Variants in CADM2 observed in about 807,000 individuals in gnomAD.
CADM2 encodes the protein cell adhesion molecule 2, also known as immunoglobulin superfamily member 4D.
CADM2 carries 12 observed loss-of-function variants against 49.8 expected under a neutral mutation model. That is an observed-to-expected ratio of 0.24 (90% CI 0.15 to 0.39). CADM2 has a LOEUF of 0.39. Among genes scored for constraint, CADM2 ranks in the 10% least tolerant of loss-of-function variants. CADM2 has a pLI of 1.00. For missense variants in CADM2, 378 were observed against 492.3 expected, an observed-to-expected ratio of 0.77 and a Z score of 2.20; for synonymous variants, 214 against 175.4, an observed-to-expected ratio of 1.22 and a Z score of -1.74.
intron 1 of CADM2, among the ~76,000 whole-genome samples, chr3:85,532,267 T>G (rs771480746): frequency 6.6e-5 from 10 of 152,212 alleles, no homozygotes; most frequent in Non-Finnish European, 1.5e-4. Context: ...GTATTCTCCC[T>G]CCTCAAACTG....
chr3:85,370,821 C>A (rs2033173867), intron 1 of CADM2, among the ~76,000 whole-genome samples: 1 of 152,038 alleles, frequency 6.6e-6, no homozygotes, highest in Non-Finnish European at 1.5e-5. Flanking sequence ...CCCCTGAAGA[C>A]TTTCCACTGG....
chr3:85,444,329 T>C (rs1001888540), intron 1 of CADM2, among the ~76,000 whole-genome samples: 3 of 151,986 alleles, frequency 2.0e-5, no homozygotes, highest in African/African-American at 7.3e-5. Flanking sequence ...TCCACTTCTA[T>C]CAAATGAAAA....
chr3:85,307,228 TA>T (rs2107024654), intron 1 of CADM2, among the ~76,000 whole-genome samples: 1 of 151,778 alleles, frequency 6.6e-6, no homozygotes, highest in East Asian at 1.9e-4. Flanking sequence ...ATTTTTGCCT[TA>T]TTATCTAAAA....
intron 2 of CADM2, among the ~76,000 whole-genome samples, chr3:85,749,547 G>A (rs767071381): frequency 6.6e-6 from 1 of 151,756 alleles, no homozygotes; most frequent in South Asian, 2.1e-4. Context: ...TACAACCCGG[G>A]ATATATCTGT....
At chr3:85,654,446 A>G (rs1168623315) in intron 1 of CADM2, among the ~76,000 whole-genome samples, 3 of 152,194 alleles carry the variant, frequency 2.0e-5, no homozygotes, top group African/African-American at 7.2e-5. Context: ...ATACATGGGC[A>G]GAAAGTTCAG....
In CADM2 at chr3:85,162,564, AT is replaced by A. The variant is rs1218127804; in HGVS notation, c.61+202898del. ...GGAAGTCAGCTGAAAGATGTCTACCATTAAAAAAAATAATATATGGTTGAGG... is the reference window on the plus strand; with the variant it reads ...GGAAGTCAGCTGAAAGATGTCTACCATAAAAAAAATAATATATGGTTGAGG... On this transcript the variant is annotated intron_variant, in intron 1 of 9. Transcript: ENST00000383699. Among the ~76,000 whole-genome samples the A allele has an allele frequency of 2.6e-5, 4 of 152,266 alleles. No individual in the cohort carries two copies. The East Asian group carries it at 7.7e-4, about 29-fold the overall frequency.
intron 1 of CADM2, among the ~76,000 whole-genome samples, chr3:85,203,505 T>G (rs569686719): frequency 1.2e-4 from 18 of 152,240 alleles, no homozygotes; most frequent in Middle Eastern, 3.4e-3. Flanking sequence ...CTAAAAAAGT[T>G]ACAATAATAA....
intron 1 of CADM2, among the ~76,000 whole-genome samples, chr3:85,505,392 G>C (rs1210810681): frequency 1.3e-5 from 2 of 152,192 alleles, no homozygotes. Flanking sequence ...GAAAATCTAG[G>C]AGGGGAATCA....
At chr3:85,387,973 A>G (rs2034325223) in intron 1 of CADM2, among the ~76,000 whole-genome samples, 1 of 152,210 alleles carries the variant, frequency 6.6e-6, no homozygotes, top group Admixed American at 6.5e-5. Context: ...GCATAAAAGA[A>G]GCTGCTCTCA....
At chr3:85,325,305 A>G (rs1159770330) in intron 1 of CADM2, among the ~76,000 whole-genome samples, 1 of 152,238 alleles carries the variant, frequency 6.6e-6, no homozygotes, top group East Asian at 1.9e-4. Flanking sequence ...TGTAATACAT[A>G]TTCAGTGGAA....
chr3:85,796,648 G>T (rs1320380686), intron 2 of CADM2, among the ~76,000 whole-genome samples: 1 of 152,168 alleles, frequency 6.6e-6, no homozygotes, highest in Non-Finnish European at 1.5e-5. Context: ...TCATTTAGGT[G>T]TGGAAAGAAA....
intron 3 of CADM2, among the ~76,000 whole-genome samples, chr3:85,826,113 A>T (rs1394419321): frequency 6.6e-6 from 1 of 152,072 alleles, no homozygotes; most frequent in Non-Finnish European, 1.5e-5. Context: ...ATATCATCAC[A>T]TGCTTTTATA....
At chr3:84,965,230 T>G (rs1456533575) in intron 1 of CADM2, among the ~76,000 whole-genome samples, 2 of 152,214 alleles carry the variant, frequency 1.3e-5, no homozygotes. Flanking sequence ...AGGCATCTTC[T>G]GCAAATTCCT....
At chr3:85,082,579 T>G (rs1218596046) in intron 1 of CADM2, among the ~76,000 whole-genome samples, 1 of 152,140 alleles carries the variant, frequency 6.6e-6, no homozygotes, top group African/African-American at 2.4e-5. Flanking sequence ...TTTCTGAAAC[T>G]GAATACATTT....
intron 3 of CADM2, among the ~76,000 whole-genome samples, chr3:85,869,930 G>C (rs1307793468): frequency 1.3e-5 from 2 of 152,116 alleles, no homozygotes; most frequent in Non-Finnish European, 2.9e-5. Context: ...CAAAGTGCTG[G>C]GATTACAGGC....
chr3:85,169,159 TG>T (rs1433284391), intron 1 of CADM2, among the ~76,000 whole-genome samples: 3 of 151,966 alleles, frequency 2.0e-5, no homozygotes, highest in Non-Finnish European at 2.9e-5. Flanking sequence ...GTTTTGTTTT[TG>T]TTTTTTTAGT....
intron 1 of CADM2, among the ~76,000 whole-genome samples, chr3:85,536,578 G>C (rs1479487474): frequency 6.6e-6 from 1 of 151,804 alleles, no homozygotes; most frequent in East Asian, 1.9e-4. Flanking sequence ...TATTTACTCT[G>C]AGGTGGTTCT....
intron 1 of CADM2, among the ~76,000 whole-genome samples, chr3:85,159,003 A>G (rs1195001965): frequency 6.6e-6 from 1 of 152,114 alleles, no homozygotes; most frequent in Non-Finnish European, 1.5e-5. Flanking sequence ...TTCCGTTTAC[A>G]GCAGAAGAAG....
chr3:85,236,773 GA>G, intron 1 of CADM2, among the ~76,000 whole-genome samples: 1 of 152,124 alleles, frequency 6.6e-6, no homozygotes, highest in East Asian at 1.9e-4. Context: ...TTCTGTATGA[GA>G]AAAGTCATTG....
Sources: gnomAD v4.1 joint callset for allele counts (sites outside exome capture counted in the v4.1 genomes callset) on GRCh38, gnomAD v4.1.1 for gene constraint, MANE v1.5 for transcripts, NCBI Gene and HGNC (gene_info 2026-07-23, HGNC 2026-07-21) for gene names.